The following PTK7 variants were observed in gnomAD, a reference collection of about 807,000 sequenced individuals.
PTK7 encodes the protein inactive tyrosine-protein kinase 7.
PTK7 carries 39 observed loss-of-function variants against 116.6 expected under a neutral mutation model. The observed-to-expected ratio is 0.33, with a 90% CI of 0.26 to 0.44. PTK7 has a LOEUF of 0.44. Ranked by LOEUF, PTK7 falls within the 20% of genes least tolerant of loss-of-function variation. The pLI is 1.00. For missense variants in PTK7, 1,169 were observed against 1,425.6 expected (o/e 0.82, Z 2.90); for synonymous variants, 546 against 563.6 (o/e 0.97, Z 0.44).
At chr6:43,090,063 C>T (rs1766863962) in intron 1 of PTK7, among the ~76,000 whole-genome samples, 1 of 152,252 alleles carries the variant, frequency 6.6e-6, no homozygotes, top group Non-Finnish European at 1.5e-5. Context: ...AGCCAGCTTG[C>T]TCTGTCTCCA....
At chr6:43,079,222 CT>C (rs1209096183) in intron 1 of PTK7, among the ~76,000 whole-genome samples, 3 of 151,720 alleles carry the variant, frequency 2.0e-5, no homozygotes, top group African/African-American at 7.3e-5. Flanking sequence ...AATCCCAGCA[CT>C]TTGGGAGGCC....
chr6:43,151,124 C>T (rs1168451022), intron 17 of PTK7, among the ~76,000 whole-genome samples: 6 of 151,902 alleles, frequency 3.9e-5, no homozygotes, highest in Non-Finnish European at 8.8e-5. Context: ...CCCAGCCAGA[C>T]TCTGCTTTTT....
chr6:43,118,652 T>G (rs1462404273), intron 1 of PTK7, among the ~76,000 whole-genome samples: 3 of 79,630 alleles, frequency 3.8e-5, no homozygotes, highest in African/African-American at 6.6e-5. Flanking sequence ...TCTCTCTCTC[T>G]CTCTCTCTAT....
Position 43,142,009 on chromosome 6 carries a change from A to T in PTK7, c.1847A>T (p.Gln616Leu). The T allele has an allele frequency of 6.2e-7, 1 of 1,613,798 alleles. No individual in the cohort carries two copies. The highest frequency in any genetic ancestry group is 8.5e-7 in the Non-Finnish European group (1 of 1,179,962). ...ACAGCCCTACTGCAGTGCGAGGCCC[A>T]GGGGGACCCCAAGCCGCTGATTCAG... Reference protein sequence around the residue: ...GHTALLQCEAQGDPKPLIQWK... With the variant: ...GHTALLQCEALGDPKPLIQWK... Residue 616 changes from glutamine to leucine, a missense_variant, in exon 12 of 20, where the codon CAG (glutamine) becomes CTG (leucine). Gln to Leu is a moderately radical substitution (Grantham distance 113). This residue lies in a region of PTK7 where 678 missense variants were observed against 853.8 expected (regional missense o/e 0.79). Coordinates refer to ENST00000230419, the MANE Select transcript of PTK7 (RefSeq NM_002821.5).
At chr6:43,089,342 G>A (rs1766823481) in intron 1 of PTK7, among the ~76,000 whole-genome samples, 1 of 152,196 alleles carries the variant, frequency 6.6e-6, no homozygotes, top group Admixed American at 6.5e-5. Context: ...TGATTCCATT[G>A]TAGCTCATCT....
At position 43,113,385 on chromosome 6, in the gene PTK7, A is replaced by G. The variant is rs554228835; in HGVS notation, c.80-15592A>G. Among the ~76,000 whole-genome samples, 80 of 152,160 alleles carry G rather than the reference A, an allele frequency of 5.3e-4. 1 individual carries two copies. Among genetic ancestry groups the G allele is most frequent in the African/African-American group, 1.8e-3 (75 of 41,516 alleles). On this transcript the variant is annotated intron_variant, in intron 1 of 19. Transcript: ENST00000230419. ...GAGGCAGAGGTTGCAGTGAGCCAAG[A>G]TCGCACCACTGCACTCCAGCCTGGG...
chr6:43,109,091 G>A (rs1768053314), intron 1 of PTK7, among the ~76,000 whole-genome samples: 1 of 152,190 alleles, frequency 6.6e-6, no homozygotes, highest in South Asian at 2.1e-4. Flanking sequence ...TACACTTACG[G>A]ATTTTAAACC....
intron 1 of PTK7, among the ~76,000 whole-genome samples, chr6:43,087,122 G>T (rs1415854368): frequency 8.6e-4 from 131 of 152,334 alleles, no homozygotes; most frequent in Non-Finnish European, 1.5e-4. Flanking sequence ...TATGGTGGTG[G>T]GATGGGGCAA....
In PTK7 at chr6:43,077,042, C is replaced by A. The variant is rs576364134; in HGVS notation, c.79+475C>A. 12 of 1,333,500 alleles carry A rather than the reference C, an allele frequency of 9.0e-6. No homozygotes were observed. The African/African-American group carries it at 1.5e-4, about 17-fold the overall frequency. The allele number at this position is 1,333,500 out of a possible 1,614,324, so 82.6% of individuals were successfully genotyped here. On this transcript the variant is annotated intron_variant, in intron 1 of 19. Transcript: ENST00000230419. ...GGACAGACCTGCGGCGCGCAAAGCG[C>A]GGAGCTTTGTTACCTACGCCGACCC...
intron 14 of PTK7, 155 bp from the exon 15 acceptor site, chr6:43,144,296 C>A (rs954466592): frequency 2.3e-6 from 2 of 862,198 alleles, no homozygotes; most frequent in African/African-American, 3.3e-5. Context: ...CAGCCCCAGC[C>A]CCATTATTTC....
Position 43,129,265 on chromosome 6 carries a change from G to T in PTK7, c.367+1G>T. ...GCCAACGCCTCCTTCAACATCAAAT[G>T]TGAGAGCCAGGGGGGCTGTGCCCAG... On this transcript the variant is annotated splice_donor_variant, in intron 2 of 19. Transcript: ENST00000230419. LOFTEE classifies it high-confidence loss of function. This position sits in a 1 kb window ranked among gnomAD's most constrained non-coding sequence, Gnocchi z 4.5. The T allele has an allele frequency of 6.2e-7, 1 of 1,614,026 alleles. No individual in the cohort carries two copies. The highest frequency in any genetic ancestry group is 8.5e-7 in the Non-Finnish European group (1 of 1,180,030).
chr6:43,136,052 G>A (rs1770018686), intron 7 of PTK7, among the ~76,000 whole-genome samples: 1 of 152,212 alleles, frequency 6.6e-6, no homozygotes. Flanking sequence ...GCCAGGTGTG[G>A]TGGCATGTGC....
chr6:43,105,292 A>T (rs576594120), intron 1 of PTK7, among the ~76,000 whole-genome samples: 1 of 143,692 alleles, frequency 7.0e-6, no homozygotes, highest in East Asian at 2.0e-4. Flanking sequence ...TGACAAAAAG[A>T]AAAAAAAAAA....
rs1201568642 is a variant in PTK7, at chr6:43,076,369, C to CCGGCTG, written c.-112_-107dup. ...CCTCGGGACGCCTCGGGGTCGGGCT[C>CCGGCTG]CGGCTGCGGCTGCTGCTGCGGCGCC... On this transcript the variant is annotated 5_prime_UTR_variant, in exon 1 of 20. Coordinates refer to ENST00000230419, the MANE Select transcript of PTK7 (RefSeq NM_002821.5). The surrounding 1 kb of genome is among the most constrained non-coding windows in gnomAD (Gnocchi z 5.7). The CCGGCTG allele has an allele frequency of 1.0e-5, 7 of 687,482 alleles. No homozygotes were observed. The highest frequency in any genetic ancestry group is 4.8e-5 in the Admixed American group (1 of 20,712). The allele number at this position is 687,482 out of a possible 1,614,324, so 42.6% of individuals were successfully genotyped here.
Position 43,157,997 on chromosome 6 carries a change from T to A in PTK7, c.2722-820T>A, listed in dbSNP as rs80032504. 3.3e-5 allele frequency among the ~76,000 whole-genome samples: 5 copies of A among 152,146 alleles called. No individual in the cohort carries two copies. The East Asian group carries it at 7.7e-4, about 24-fold the overall frequency. On this transcript the variant is annotated intron_variant, in intron 17 of 19. Transcript: ENST00000230419. ...TGCCTTGGTAAAGAATTTTTTTTTT[T>A]AATTAAAAAGTAAGCTGGGGGCTGG...
At position 43,132,640 on chromosome 6, in the gene PTK7, C is replaced by T. The variant is rs757234933; in HGVS notation, c.1181C>T (p.Ala394Val). The T allele has an allele frequency of 6.3e-7, 1 of 1,587,290 alleles. No individual in the cohort carries two copies. The highest frequency in any genetic ancestry group is 2.3e-5 in the East Asian group (1 of 43,422). Reference sequence around the variant, plus strand: ...GCTGGTGTCTACACCTGCCACGCGGCCAACCTGGCTGGTCAGCGGAGACAG... The same window carrying T: ...GCTGGTGTCTACACCTGCCACGCGGTCAACCTGGCTGGTCAGCGGAGACAG... ...SDAGVYTCHA[A>V]NLAGQRRQDV... is the part of the protein sequence containing the mutation. Residue 394 changes from alanine to valine, a missense_variant, in exon 7 of 20, where the codon GCC becomes GTC. This residue lies in a region of PTK7 where 487 missense variants were observed against 549.8 expected (regional missense o/e 0.89). Transcript: ENST00000230419.
intron 1 of PTK7, among the ~76,000 whole-genome samples, chr6:43,094,506 C>G (rs1374976027): frequency 6.6e-6 from 1 of 151,402 alleles, no homozygotes; most frequent in Non-Finnish European, 1.5e-5. Flanking sequence ...GTCTCGTCGC[C>G]CAGGCTGGAG....
chr6:43,121,509 T>G (rs1768960098), intron 1 of PTK7, among the ~76,000 whole-genome samples: 1 of 152,228 alleles, frequency 6.6e-6, no homozygotes, highest in Non-Finnish European at 1.5e-5. Context: ...GGAGGGCTCC[T>G]GTTGGTGAAC....
intron 18 of PTK7, 71 bp from the exon 19 acceptor site, chr6:43,159,717 G>T: frequency 6.6e-7 from 1 of 1,507,908 alleles, no homozygotes; most frequent in Non-Finnish European, 9.2e-7. Context: ...CGTTCCAGAT[G>T]GGGAGATGAG....
Sources: gnomAD v4.1 joint callset for allele counts (sites outside exome capture counted in the v4.1 genomes callset) on GRCh38, gnomAD v4.1.1 for gene constraint, gnomAD v4.1.1 regional missense constraint, Gnocchi (gnomAD v3.1) non-coding constraint, MANE v1.5 for transcripts, NCBI Gene and HGNC (gene_info 2026-07-23, HGNC 2026-07-21) for gene names.